LRBA: variants seen among roughly 807,000 people sequenced by gnomAD.
LRBA encodes LPS responsive beige-like anchor protein, also known as lipopolysaccharide-responsive and beige-like anchor protein.
LRBA carries 176 observed loss-of-function variants against 330.0 expected under a neutral mutation model. The ratio of observed to expected loss-of-function variants is 0.53; its 90% CI spans 0.47 to 0.60. The LOEUF (loss-of-function observed/expected upper bound fraction) is 0.60, where lower values mean the gene tolerates loss of function less well. Ranked by LOEUF, LRBA falls within the 20% of genes least tolerant of loss-of-function variation. The pLI, the probability that LRBA is intolerant of heterozygous loss-of-function variation, is 0.00. For missense variants in LRBA, 3,259 were observed against 3,444.8 expected (o/e 0.95, Z 1.35); for synonymous variants, 1,230 against 1,193.0 (o/e 1.03, Z -0.64).
rs543125606 is a variant in LRBA at position 150,321,062 on chromosome 4, T to C, written c.7630+129A>G. ...TGGGCCTTTTTTAAGCCTTTCAAAC[T>C]ATTAAACAATTTGATTCAGACTAAT... is the stretch of plus-strand genomic sequence containing the variant. On this transcript the variant is annotated intron_variant, in intron 50 of 56. Transcript: ENST00000651943. The surrounding 1 kb of genome is among the most constrained non-coding windows in gnomAD (Gnocchi z 4.5). 7 of 888,576 alleles carry C rather than the reference T, an allele frequency of 7.9e-6. No homozygotes were observed. The highest frequency in any genetic ancestry group is 1.0e-5 in the Non-Finnish European group (6 of 594,684). 55.0% of individuals were successfully genotyped at this position (888,576 alleles called of 1,614,324 possible).
chr4:150,544,614 T>C (rs1765668277), intron 40 of LRBA, among the ~76,000 whole-genome samples: 1 of 152,136 alleles, frequency 6.6e-6, no homozygotes, highest in Non-Finnish European at 1.5e-5. Flanking sequence ...CCACAGCAAT[T>C]TCTACAGTAT....
At chr4:150,394,979 G>GT (rs946610561) in intron 47 of LRBA, among the ~76,000 whole-genome samples, 2 of 152,196 alleles carry the variant, frequency 1.3e-5, no homozygotes, top group African/African-American at 2.4e-5. Context: ...TATCAGCAGT[G>GT]TATCAAATGT....
intron 37 of LRBA, among the ~76,000 whole-genome samples, chr4:150,667,189 T>C (rs1781639712): frequency 2.0e-5 from 3 of 152,148 alleles, no homozygotes; most frequent in African/African-American, 7.2e-5. Flanking sequence ...CTCCCAAATA[T>C]GTCTAAATAC....
At chr4:150,368,404 C>T (rs1407507814) in intron 47 of LRBA, among the ~76,000 whole-genome samples, 1 of 152,130 alleles carries the variant, frequency 6.6e-6, no homozygotes, top group Non-Finnish European at 1.5e-5. Context: ...CACCATATGG[C>T]ATCACATTAT....
chr4:150,473,712 T>C (rs1042439519), intron 42 of LRBA, among the ~76,000 whole-genome samples: 1 of 152,168 alleles, frequency 6.6e-6, no homozygotes, highest in Non-Finnish European at 1.5e-5. Context: ...AAATTAGGAT[T>C]GAATTACACC....
chr4:150,380,243 A>G (rs1266662806), intron 47 of LRBA, among the ~76,000 whole-genome samples: 1 of 152,080 alleles, frequency 6.6e-6, no homozygotes, highest in Non-Finnish European at 1.5e-5. Flanking sequence ...CTACTCCTCA[A>G]TGGCGCAGGG....
At chr4:150,972,523 C>T (rs1739695804) in intron 2 of LRBA, among the ~76,000 whole-genome samples, 2 of 152,142 alleles carry the variant, frequency 1.3e-5, no homozygotes. Context: ...ATTATACATT[C>T]TACGCATGTA....
At chr4:150,673,113 G>A (rs1782214633) in intron 37 of LRBA, among the ~76,000 whole-genome samples, 1 of 152,126 alleles carries the variant, frequency 6.6e-6, no homozygotes, top group Non-Finnish European at 1.5e-5. Context: ...ACAATAACTT[G>A]CTCATCCATA....
intron 42 of LRBA, 38 bp downstream of exon 42, chr4:150,487,694 C>T (rs768563444): frequency 3.5e-6 from 4 of 1,149,560 alleles, no homozygotes; most frequent in Admixed American, 1.7e-5. Context: ...ACTATTAAGA[C>T]ACTTTACTTT....
At chr4:150,590,434 G>T (rs1309123228) in intron 39 of LRBA, among the ~76,000 whole-genome samples, 1 of 151,044 alleles carries the variant, frequency 6.6e-6, no homozygotes, top group Non-Finnish European at 1.5e-5. Flanking sequence ...ACTCCTATGG[G>T]ATGGGTGAAG....
intron 30 of LRBA, among the ~76,000 whole-genome samples, chr4:150,820,952 T>A (rs1745344282): frequency 6.6e-6 from 1 of 152,080 alleles, no homozygotes; most frequent in African/African-American, 2.4e-5. Context: ...GCATTTAATA[T>A]TACCTTTTTA....
chr4:150,742,145 T>TA (rs5862934), intron 35 of LRBA, among the ~76,000 whole-genome samples: 119,376 of 143,296 alleles, frequency 0.83, 50,112 homozygotes, highest in Middle Eastern at 0.93. Flanking sequence ...ATTATTATTA[T>TA]TATTATTTTT....
intron 50 of LRBA, among the ~76,000 whole-genome samples, chr4:150,318,527 A>G (rs1732031543): frequency 6.6e-6 from 1 of 152,120 alleles, no homozygotes; most frequent in Admixed American, 6.5e-5. Context: ...GTTTTAAATC[A>G]AGGCATAGTG....
At chr4:150,929,796 AT>A (rs890447968) in intron 2 of LRBA, among the ~76,000 whole-genome samples, 42 of 152,010 alleles carry the variant, frequency 2.8e-4, no homozygotes, top group Middle Eastern at 3.2e-3. Flanking sequence ...ATTTAACTAG[AT>A]TTTTTAAATA....
intron 38 of LRBA, among the ~76,000 whole-genome samples, chr4:150,596,704 A>C (rs751336680): frequency 2.0e-5 from 3 of 151,772 alleles, no homozygotes; most frequent in Non-Finnish European, 4.4e-5. Context: ...AATGCTCCAA[A>C]ATTTTTAAAC....
At chr4:150,393,530 G>A (rs977832871) in intron 47 of LRBA, among the ~76,000 whole-genome samples, 2 of 142,620 alleles carry the variant, frequency 1.4e-5, no homozygotes, top group Non-Finnish European at 3.0e-5. Context: ...CTGTTGCCAT[G>A]CTATAGTGCA....
chr4:150,800,993 C>T (rs1741530468), intron 33 of LRBA, among the ~76,000 whole-genome samples: 1 of 152,114 alleles, frequency 6.6e-6, no homozygotes, highest in Admixed American at 6.5e-5. Context: ...GACAGTAAGC[C>T]AGTGCCACCT....
intron 37 of LRBA, among the ~76,000 whole-genome samples, chr4:150,611,900 T>TCC (rs1330005352): frequency 6.6e-6 from 1 of 152,086 alleles, no homozygotes; most frequent in Non-Finnish European, 1.5e-5. Context: ...ACGCGCTCTC[T>TCC]CTCTCTCTTT....
chr4:150,672,635 T>C (rs1782167088), intron 37 of LRBA, among the ~76,000 whole-genome samples: 1 of 152,104 alleles, frequency 6.6e-6, no homozygotes, highest in South Asian at 2.1e-4. Context: ...CAAATTATCA[T>C]CTGGATCAGA....
Sources: allele counts gnomAD v4.1 joint callset (sites outside exome capture counted in the v4.1 genomes callset), GRCh38; gene constraint gnomAD v4.1.1; non-coding constraint Gnocchi (gnomAD v3.1); transcripts MANE v1.5; gene names NCBI Gene and HGNC (gene_info 2026-07-23, HGNC 2026-07-21).